Variants in GRK5 observed in about 807,000 individuals in gnomAD.
GRK5 encodes G protein-coupled receptor kinase 5, also known as g protein-coupled receptor kinase GRK5.
In GRK5, 40 loss-of-function variants were observed where a neutral mutation model predicts 78.4. The observed-to-expected ratio is 0.51, with a 90% confidence interval of 0.40 to 0.66. GRK5 has a LOEUF of 0.66. GRK5 is among the 30% of genes least tolerant of loss of function. GRK5 has a pLI of 0.00. For missense variants in GRK5, 598 were observed against 759.9 expected (o/e 0.79, Z 2.50); for synonymous variants, 289 against 296.8 (o/e 0.97, Z 0.27).
At chr10:119,266,898 C>G (rs1253589229) in intron 1 of GRK5, among the ~76,000 whole-genome samples, 2 of 151,892 alleles carry the variant, frequency 1.3e-5, no homozygotes, top group Non-Finnish European at 1.5e-5. Context: ...CCTCAGCCTC[C>G]TGAGTAGCTA....
chr10:119,421,835 TAAAG>T (rs1040168501), intron 4 of GRK5, among the ~76,000 whole-genome samples: 16 of 151,558 alleles, frequency 1.1e-4, no homozygotes, highest in Non-Finnish European at 1.5e-5. Context: ...AGAAAAGAAA[TAAAG>T]AAGGAAGGAA....
At chr10:119,272,654 G>A (rs1035118603) in intron 1 of GRK5, among the ~76,000 whole-genome samples, 9 of 151,868 alleles carry the variant, frequency 5.9e-5, no homozygotes, top group Admixed American at 3.9e-4. Flanking sequence ...GGGTCGTTGC[G>A]AGCATTAAGT....
intron 1 of GRK5, among the ~76,000 whole-genome samples, chr10:119,228,732 C>T (rs780919877): frequency 7.9e-5 from 12 of 152,236 alleles, no homozygotes; most frequent in Non-Finnish European, 1.3e-4. Context: ...AACGAATGTG[C>T]GTTACACTTA....
In GRK5 at chr10:119,455,028, C is replaced by T. The variant is rs202208716; in HGVS notation, c.1734C>T (p.Asn578=). Residue 578 remains asparagine (N), a synonymous_variant, in exon 16 of 16, where the codon AAC becomes AAT. Coordinates refer to ENST00000392870, the MANE Select transcript of GRK5 (RefSeq NM_005308.3). The part of the protein sequence containing the change: ...SSKTSFNHHI[N]SNHVSSNSTG... ...AGACCAGTTTTAACCACCACATAAA[C>T]TCAAACCATGTCAGCTCGAACTCCA... 1.3e-5 allele frequency: 21 copies of T among 1,614,142 alleles called. No individual in the cohort carries two copies. The East Asian group carries it at 4.5e-4, about 34-fold the overall frequency.
intron 1 of GRK5, among the ~76,000 whole-genome samples, chr10:119,306,982 C>T (rs1215366512): frequency 6.6e-6 from 1 of 152,042 alleles, no homozygotes; most frequent in East Asian, 1.9e-4. Context: ...TGTCTCCAGC[C>T]GTCAGTGAGG....
chr10:119,344,418 G>T (rs1851041439), intron 2 of GRK5, among the ~76,000 whole-genome samples: 1 of 152,162 alleles, frequency 6.6e-6, no homozygotes. Context: ...CTATGAGTGA[G>T]AACATGCGGT....
chr10:119,272,672 T>A (rs1012478588), intron 1 of GRK5, among the ~76,000 whole-genome samples: 1 of 150,740 alleles, frequency 6.6e-6, no homozygotes, highest in Non-Finnish European at 1.5e-5. Context: ...AGTGTGCTAG[T>A]GTTTGTGAAG....
At chr10:119,339,537 GT>G (rs1008247071) in intron 2 of GRK5, among the ~76,000 whole-genome samples, 5 of 152,096 alleles carry the variant, frequency 3.3e-5, no homozygotes, top group Non-Finnish European at 5.9e-5. Flanking sequence ...GGAGTGGGGG[GT>G]TGCAGGGAAG....
chr10:119,344,938 T>TCCTTTC (rs1851061961), intron 2 of GRK5, among the ~76,000 whole-genome samples: 1 of 62,420 alleles, frequency 1.6e-5, no homozygotes, highest in African/African-American at 5.7e-5. Flanking sequence ...TCCTTCCTTT[T>TCCTTTC]CCTCCCTCCC....
intron 1 of GRK5, among the ~76,000 whole-genome samples, chr10:119,212,596 G>A (rs532433380): frequency 6.6e-6 from 1 of 152,304 alleles, no homozygotes; most frequent in South Asian, 2.1e-4. Context: ...ATCCAGGACT[G>A]TGGGCAATAT....
At chr10:119,241,117 G>A (rs145894103) in intron 1 of GRK5, among the ~76,000 whole-genome samples, 40 of 152,264 alleles carry the variant, frequency 2.6e-4, no homozygotes, top group African/African-American at 8.9e-4. Context: ...CCCTTGTTGC[G>A]TGCTTCCTGG....
Position 119,279,720 on chromosome 10 carries a change from GAGCCACGCAGCAGCACTGA to G in GRK5, c.53-46795_53-46777del, listed in dbSNP as rs200711725. 4.5e-4 allele frequency among the ~76,000 whole-genome samples: 68 copies of G among 152,382 alleles called. 1 individual carries two copies. In the East Asian group the frequency reaches 0.013, roughly 29 times the overall value. Reference sequence around the variant, plus strand: ...GAAGAGCCACGCTGCAGGGCAAGAAGAGCCACGCAGCAGCACTGATGTGCGTGCCAGTAACTGCCTGGTG... The same window carrying G: ...GAAGAGCCACGCTGCAGGGCAAGAAGTGTGCGTGCCAGTAACTGCCTGGTG... On this transcript the variant is annotated intron_variant, in intron 1 of 15. Coordinates refer to ENST00000392870, the MANE Select transcript of GRK5 (RefSeq NM_005308.3).
chr10:119,285,108 C>T lies in GRK5; in HGVS notation c.53-41408C>T, dbSNP rs539429005. On this transcript the variant is annotated intron_variant, in intron 1 of 15. Transcript: ENST00000392870. ...TGCAAAGAGAGGAGGTCTCAGGGCTCATGTCTAGAGTGAAGTCATCAGACC... is the reference window on the plus strand; with the variant it reads ...TGCAAAGAGAGGAGGTCTCAGGGCTTATGTCTAGAGTGAAGTCATCAGACC... Among the ~76,000 whole-genome samples, 7 of 152,268 alleles carry T rather than the reference C, an allele frequency of 4.6e-5. No homozygotes were observed. In the East Asian group the frequency reaches 7.7e-4, roughly 17 times the overall value.
rs368558891 is a variant in GRK5 at position 119,262,460 on chromosome 10, C to G, written c.52+54491C>G. ...TTCAAGCAATTCTCCTGCCTCAGCC[C>G]CCCGAGTAGCTGGGACTACAGGTGT... On this transcript the variant is annotated intron_variant, in intron 1 of 15. Coordinates refer to ENST00000392870, the MANE Select transcript of GRK5 (RefSeq NM_005308.3). Among the ~76,000 whole-genome samples, 333 of 151,314 alleles carry G rather than the reference C, an allele frequency of 2.2e-3. 3 individuals are homozygous for G. Among genetic ancestry groups the G allele is most frequent in the African/African-American group, 7.8e-3 (322 of 41,172 alleles).
At chr10:119,315,496 G>A (rs1850470262) in intron 1 of GRK5, among the ~76,000 whole-genome samples, 1 of 152,120 alleles carries the variant, frequency 6.6e-6, no homozygotes, top group East Asian at 1.9e-4. Flanking sequence ...GGAACAGGAG[G>A]CAGTAGACAC....
At chr10:119,326,398 G>T in intron 1 of GRK5, 118 bp from the exon 2 acceptor site, 2 of 738,332 alleles carry the variant, frequency 2.7e-6, no homozygotes, top group Non-Finnish European at 4.7e-6. Context: ...TGTGTCACTG[G>T]CTTGGCCTAC....
intron 1 of GRK5, among the ~76,000 whole-genome samples, chr10:119,270,602 C>A (rs931283890): frequency 1.3e-5 from 2 of 152,340 alleles, no homozygotes; most frequent in East Asian, 3.9e-4. Context: ...CAATTGTTCA[C>A]CTCCATGACA....
intron 3 of GRK5, among the ~76,000 whole-genome samples, chr10:119,394,848 T>A (rs111793905): frequency 0.018 from 2,660 of 151,356 alleles, 61 homozygotes; most frequent in Middle Eastern, 0.055. Flanking sequence ...GGCACGTGTG[T>A]GTGCACACAT....
intron 3 of GRK5, among the ~76,000 whole-genome samples, chr10:119,391,788 C>T (rs528599246): frequency 2.0e-5 from 3 of 152,128 alleles, no homozygotes; most frequent in South Asian, 2.1e-4. Flanking sequence ...GTTTCTCCAG[C>T]GGGGTGCATG....
Sources: allele counts gnomAD v4.1 joint callset (sites outside exome capture counted in the v4.1 genomes callset), GRCh38; gene constraint gnomAD v4.1.1; transcripts MANE v1.5; gene names NCBI Gene and HGNC (gene_info 2026-07-23, HGNC 2026-07-21).